FAM110B: variants seen among roughly 807,000 people sequenced by gnomAD.
FAM110B encodes family with sequence similarity 110 member B.
A neutral mutation model predicts 20.4 loss-of-function variants in FAM110B; 6 were observed. The ratio of observed to expected loss-of-function variants is 0.29; its 90% CI spans 0.16 to 0.58. The LOEUF is 0.58. Ranked by LOEUF, FAM110B falls within the 20% of genes least tolerant of loss-of-function variation. FAM110B has a pLI of 0.90. For missense variants in FAM110B, 434 were observed against 498.2 expected, an observed-to-expected ratio of 0.87 and a Z score of 1.23; for synonymous variants, 226 against 214.1, an observed-to-expected ratio of 1.06 and a Z score of -0.49.
rs565654044 is a variant in FAM110B, at chr8:58,145,484, G to A, written c.-324-423G>A. On this transcript the variant is annotated intron_variant, in intron 3 of 3. Coordinates refer to ENST00000519262, the MANE Select transcript of FAM110B (RefSeq NM_001377989.1). ...AGAGATAATTCACGACGTTGCAACC[G>A]GGGGGCATGGAAGGGATTCGTAGGA... is the stretch of plus-strand genomic sequence containing the variant. 3.3e-5 allele frequency among the ~76,000 whole-genome samples: 5 copies of A among 152,224 alleles called. No homozygotes were observed. In the East Asian group the frequency reaches 7.7e-4, roughly 23 times the overall value.
chr8:58,038,506 C>T (rs921268118), intron 2 of FAM110B, among the ~76,000 whole-genome samples: 5 of 152,270 alleles, frequency 3.3e-5, no homozygotes, highest in African/African-American at 9.6e-5. Flanking sequence ...AATCCCAGCA[C>T]GTTGGGAGGC....
At chr8:58,035,841 G>T (rs1805066196) in intron 2 of FAM110B, among the ~76,000 whole-genome samples, 2 of 152,128 alleles carry the variant, frequency 1.3e-5, no homozygotes, top group African/African-American at 4.8e-5. Context: ...CCGATGGGCT[G>T]GAGTCATCTG....
At chr8:58,143,427 G>A (rs1397579314) in intron 3 of FAM110B, among the ~76,000 whole-genome samples, 1 of 152,234 alleles carries the variant, frequency 6.6e-6, no homozygotes, top group East Asian at 1.9e-4. Context: ...CAGAGGAGGA[G>A]TGGGAAGGGG....
chr8:58,087,806 C>T (rs926217526), intron 3 of FAM110B, among the ~76,000 whole-genome samples: 1 of 152,166 alleles, frequency 6.6e-6, no homozygotes, highest in Non-Finnish European at 1.5e-5. Flanking sequence ...TAAGAAAATA[C>T]TTTGAAGATT....
At chr8:58,074,175 C>T (rs1257658047) in intron 2 of FAM110B, among the ~76,000 whole-genome samples, 2 of 152,320 alleles carry the variant, frequency 1.3e-5, no homozygotes, top group Non-Finnish European at 2.9e-5. Flanking sequence ...ACCTCCAGGA[C>T]AGGAAACAAT....
intron 3 of FAM110B, among the ~76,000 whole-genome samples, chr8:58,094,376 A>T (rs1806566747): frequency 6.6e-6 from 1 of 152,130 alleles, no homozygotes; most frequent in African/African-American, 2.4e-5. Context: ...TATGATATTG[A>T]TTGTGGGTTT....
At chr8:58,116,776 A>G (rs1585900379) in intron 3 of FAM110B, among the ~76,000 whole-genome samples, 1 of 152,308 alleles carries the variant, frequency 6.6e-6, no homozygotes. Context: ...GTTTCCAGGA[A>G]GAGATTAAAA....
intron 3 of FAM110B, among the ~76,000 whole-genome samples, chr8:58,080,541 A>G (rs1278570215): frequency 6.6e-6 from 1 of 152,168 alleles, no homozygotes; most frequent in African/African-American, 2.4e-5. Context: ...CTAGGTGTGG[A>G]CGCAGAAAGC....
intron 2 of FAM110B, among the ~76,000 whole-genome samples, chr8:58,060,368 A>G (rs1391116073): frequency 6.6e-6 from 1 of 152,206 alleles, no homozygotes; most frequent in South Asian, 2.1e-4. Flanking sequence ...TTTCACTGCA[A>G]TTTAGGTCAG....
chr8:58,042,928 G>A (rs550386892), intron 2 of FAM110B, among the ~76,000 whole-genome samples: 1 of 152,210 alleles, frequency 6.6e-6, no homozygotes, highest in Non-Finnish European at 1.5e-5. Flanking sequence ...ACTTTGCGTG[G>A]TGCTTTCATC....
intron 3 of FAM110B, among the ~76,000 whole-genome samples, chr8:58,114,446 G>A (rs1288390111): frequency 2.0e-5 from 3 of 152,282 alleles, no homozygotes; most frequent in South Asian, 2.1e-4. Context: ...TACCCAGGGC[G>A]TCATCGTCTC....
At chr8:58,067,466 C>T (rs1176540829) in intron 2 of FAM110B, among the ~76,000 whole-genome samples, 1 of 152,146 alleles carries the variant, frequency 6.6e-6, no homozygotes, top group Non-Finnish European at 1.5e-5. Flanking sequence ...TCTCCTCCTT[C>T]CTCCTCCATC....
At position 58,043,774 on chromosome 8, in the gene FAM110B, T is replaced by G. The variant is rs73681773; in HGVS notation, c.-414+12071T>G. ...GCTATTTTACATGTATTACCTCATTTAATCCTCCTAACAGCTCTGAGGTAG... is the reference window on the plus strand; with the variant it reads ...GCTATTTTACATGTATTACCTCATTGAATCCTCCTAACAGCTCTGAGGTAG... On this transcript the variant is annotated intron_variant, in intron 2 of 3. Transcript: ENST00000519262. Among the ~76,000 whole-genome samples, 1,271 of 152,310 alleles carry G rather than the reference T, an allele frequency of 8.3e-3. 23 individuals carry two copies. Among genetic ancestry groups the G allele is most frequent in the African/African-American group, 0.03 (1,234 of 41,558 alleles).
intron 3 of FAM110B, among the ~76,000 whole-genome samples, chr8:58,134,639 G>A (rs1196031266): frequency 6.6e-6 from 1 of 152,206 alleles, no homozygotes; most frequent in Non-Finnish European, 1.5e-5. Context: ...GTAAAATTAG[G>A]TGATCTCTGC....
rs2150569842 is a variant in FAM110B, at chr8:58,022,123, A to G, written c.-511-9483A>G. ...CACTTTCATAAACACAGTGATTTGT[A>G]TTTAGCCTGTTCATGCACAAGAGCT... On this transcript the variant is annotated intron_variant, in intron 1 of 3. Transcript: ENST00000519262. 1.3e-5 allele frequency among the ~76,000 whole-genome samples: 2 copies of G among 152,322 alleles called. 1 individual carries two copies. The highest frequency in any genetic ancestry group is 4.1e-4 in the South Asian group (2 of 4,826).
At chr8:58,028,589 C>T (rs1804899053) in intron 1 of FAM110B, among the ~76,000 whole-genome samples, 1 of 151,938 alleles carries the variant, frequency 6.6e-6, no homozygotes, top group Non-Finnish European at 1.5e-5. Context: ...CTTTTTCCCC[C>T]CTTAATATGG....
At chr8:58,107,475 G>C (rs1344099192) in intron 3 of FAM110B, among the ~76,000 whole-genome samples, 1 of 152,126 alleles carries the variant, frequency 6.6e-6, no homozygotes, top group Non-Finnish European at 1.5e-5. Context: ...ATACAGTCTT[G>C]TTTGCTCGTT....
chr8:58,048,810 G>A (rs1805381342), intron 2 of FAM110B, among the ~76,000 whole-genome samples: 1 of 152,154 alleles, frequency 6.6e-6, no homozygotes, highest in Non-Finnish European at 1.5e-5. Context: ...TTAAACATCT[G>A]ATCACTGAGT....
intron 3 of FAM110B, among the ~76,000 whole-genome samples, chr8:58,088,917 C>T (rs1325551932): frequency 6.6e-6 from 1 of 152,132 alleles, no homozygotes; most frequent in African/African-American, 2.4e-5. Context: ...GTTTTATATT[C>T]TCATGTATAT....
Sources: gnomAD v4.1 joint callset for allele counts (sites outside exome capture counted in the v4.1 genomes callset) on GRCh38, gnomAD v4.1.1 for gene constraint, MANE v1.5 for transcripts, NCBI Gene and HGNC (gene_info 2026-07-23, HGNC 2026-07-21) for gene names.